Variants in COL25A1 observed in about 807,000 individuals in gnomAD.
The protein encoded by COL25A1 is collagen alpha-1(XXV) chain.
COL25A1 carries 103 observed loss-of-function variants against 128.4 expected under a neutral mutation model. The ratio of observed to expected loss-of-function variants is 0.80; its 90% CI spans 0.68 to 0.94. COL25A1 has a LOEUF of 0.94. COL25A1 is among the 40% of genes least tolerant of loss of function. The pLI, the probability that COL25A1 is intolerant of heterozygous loss-of-function variation, is 0.00. For missense variants in COL25A1, 745 were observed against 840.0 expected (o/e 0.89, Z 1.40); for synonymous variants, 279 against 277.2 (o/e 1.01, Z -0.06).
At chr4:109,008,740 C>T (rs1334644981) in intron 6 of COL25A1, among the ~76,000 whole-genome samples, 1 of 103,688 alleles carries the variant, frequency 9.6e-6, no homozygotes, top group Non-Finnish European at 1.7e-5. Context: ...TATGTTTATA[C>T]ACATACATGC....
chr4:108,910,037 C>A (rs1359628749), intron 13 of COL25A1, among the ~76,000 whole-genome samples: 1 of 152,174 alleles, frequency 6.6e-6, no homozygotes, highest in East Asian at 1.9e-4. Flanking sequence ...CCATTACTAA[C>A]CCTGGAAGCT....
At chr4:109,062,869 A>G (rs1006298768) in intron 3 of COL25A1, among the ~76,000 whole-genome samples, 2 of 152,220 alleles carry the variant, frequency 1.3e-5, no homozygotes, top group African/African-American at 4.8e-5. Flanking sequence ...ATAAATCCCC[A>G]AGACACCTGA....
chr4:109,156,767 A>C (rs902008763), intron 3 of COL25A1, among the ~76,000 whole-genome samples: 3 of 152,232 alleles, frequency 2.0e-5, no homozygotes, highest in African/African-American at 7.2e-5. Context: ...TTTTGTTTTC[A>C]GTGAACTGTA....
intron 8 of COL25A1, among the ~76,000 whole-genome samples, chr4:108,955,342 G>A (rs1394026435): frequency 6.6e-6 from 1 of 152,004 alleles, no homozygotes; most frequent in Non-Finnish European, 1.5e-5. Flanking sequence ...AAATGTTGGG[G>A]AAGTTAATGT....
intron 14 of COL25A1, among the ~76,000 whole-genome samples, chr4:108,900,363 G>A (rs1325826371): frequency 3.3e-5 from 5 of 152,160 alleles, no homozygotes; most frequent in South Asian, 2.1e-4. Flanking sequence ...TGTCCTAGGC[G>A]CCTGTCAATA....
chr4:109,153,245 C>T (rs780275161), intron 3 of COL25A1, among the ~76,000 whole-genome samples: 15 of 151,652 alleles, frequency 9.9e-5, no homozygotes, highest in African/African-American at 2.9e-4. Context: ...ATTAGCTGGG[C>T]GTGGTAGCTC....
intron 3 of COL25A1, among the ~76,000 whole-genome samples, chr4:109,051,103 G>T (rs1760939049): frequency 6.6e-6 from 1 of 152,092 alleles, no homozygotes; most frequent in Non-Finnish European, 1.5e-5. Flanking sequence ...TACAATATTT[G>T]CCAGGAGAAG....
chr4:109,072,145 T>C (rs1472605022), intron 3 of COL25A1, among the ~76,000 whole-genome samples: 1 of 152,182 alleles, frequency 6.6e-6, no homozygotes, highest in Non-Finnish European at 1.5e-5. Flanking sequence ...TTTGTGGAAA[T>C]TGACATATAC....
rs143463028 is a variant in COL25A1 at position 108,852,170 on chromosome 4, C to T, written c.1389+66G>A. 99 of 1,196,708 alleles carry T rather than the reference C, an allele frequency of 8.3e-5. No homozygotes were observed. In the East Asian group the frequency reaches 2.3e-3, roughly 27 times the overall value. The allele number at this position is 1,196,708 out of a possible 1,614,324, so 74.1% of individuals were successfully genotyped here. A position where few individuals can be genotyped will look rare whatever the true frequency, so the allele number is the denominator to read the frequency against. On this transcript the variant is annotated intron_variant, in intron 26 of 37. Coordinates refer to ENST00000399132, the MANE Select transcript of COL25A1 (RefSeq NM_198721.4). ...TTTGTAAGACTGATTTTCAAAGATG[C>T]ATATACTTAATACGGTATTCCCTGC...
intron 13 of COL25A1, among the ~76,000 whole-genome samples, chr4:108,907,229 T>C (rs979160456): frequency 6.6e-6 from 1 of 152,114 alleles, no homozygotes; most frequent in Non-Finnish European, 1.5e-5. Context: ...ATGAGAACTT[T>C]AATGGCTTCC....
chr4:109,006,447 C>T (rs915044822), intron 6 of COL25A1, among the ~76,000 whole-genome samples: 6 of 123,260 alleles, frequency 4.9e-5, no homozygotes, highest in Admixed American at 2.2e-4. Context: ...ACCATTTTGG[C>T]CAGGCTGGTC....
rs767248885 is a variant in COL25A1 at position 109,301,870 on chromosome 4, C to T, written c.150G>A (p.Leu50=). The change falls in exon 2 of 38, where the codon CTG becomes CTA. Residue 50 remains leucine (L), a synonymous_variant. Coordinates refer to ENST00000399132, the MANE Select transcript of COL25A1 (RefSeq NM_198721.4). Reference sequence around the variant, plus strand: ...GGTCGTTGGTTTTCACACCCAGGTACAGGCAAGACACCACGGCCACCACTG... The same window carrying T: ...GGTCGTTGGTTTTCACACCCAGGTATAGGCAAGACACCACGGCCACCACTG... ...LLSVVAVVSC[L]YLGVKTNDLQ... 8.7e-6 allele frequency: 14 copies of T among 1,614,206 alleles called. No homozygotes were observed. Among genetic ancestry groups the T allele is most frequent in the Middle Eastern group, 1.6e-4 (1 of 6,062 alleles).
At chr4:109,010,209 G>C in intron 6 of COL25A1, 149 bp downstream of exon 6, 1 of 664,788 alleles carries the variant, frequency 1.5e-6, no homozygotes. Context: ...GGCCCCAAGG[G>C]TTTACTCCTG....
chr4:109,252,157 G>T (rs1343085814), intron 3 of COL25A1, among the ~76,000 whole-genome samples: 2 of 152,232 alleles, frequency 1.3e-5, no homozygotes, highest in Non-Finnish European at 2.9e-5. Context: ...ATATAGGGAA[G>T]GCAAATCCAT....
intron 3 of COL25A1, among the ~76,000 whole-genome samples, chr4:109,138,189 A>C (rs1327259160): frequency 6.6e-6 from 1 of 151,914 alleles, no homozygotes; most frequent in Non-Finnish European, 1.5e-5. Flanking sequence ...CCCTGTGTCC[A>C]TGTGTTTTCA....
In COL25A1 at chr4:108,906,751, T is replaced by C. The variant is rs137919610; in HGVS notation, c.781-5579A>G. On this transcript the variant is annotated intron_variant, in intron 13 of 37. Transcript: ENST00000399132. ...TCCACTCCCACATCCCCATCACCAC[T>C]AGTCTATGAGCTCCTTGGGCAGAGA... Among the ~76,000 whole-genome samples, 358 of 152,324 alleles carry C rather than the reference T, an allele frequency of 2.4e-3. 1 individual carries two copies. The highest frequency in any genetic ancestry group is 3.9e-3 in the Non-Finnish European group (265 of 68,016).
chr4:109,183,408 G>A (rs915287222), intron 3 of COL25A1, among the ~76,000 whole-genome samples: 1 of 152,086 alleles, frequency 6.6e-6, no homozygotes, highest in Non-Finnish European at 1.5e-5. Flanking sequence ...TCAACCCTCA[G>A]GAGCAAACAA....
At chr4:108,905,021 A>C (rs1389332146) in intron 13 of COL25A1, among the ~76,000 whole-genome samples, 6 of 152,214 alleles carry the variant, frequency 3.9e-5, no homozygotes, top group African/African-American at 1.4e-4. Flanking sequence ...GTAGTTAAGG[A>C]TAAAAAGAAA....
At chr4:109,190,875 G>C (rs551550154) in intron 3 of COL25A1, among the ~76,000 whole-genome samples, 1 of 152,284 alleles carries the variant, frequency 6.6e-6, no homozygotes, top group East Asian at 1.9e-4. Flanking sequence ...CAGAAGTACA[G>C]AGTGGCATCT....
Sources: gnomAD v4.1 joint callset for allele counts (sites outside exome capture counted in the v4.1 genomes callset) on GRCh38, gnomAD v4.1.1 for gene constraint, MANE v1.5 for transcripts, NCBI Gene and HGNC (gene_info 2026-07-23, HGNC 2026-07-21) for gene names.